Variants in MARCHF4 observed in about 807,000 individuals in gnomAD.
The protein encoded by MARCHF4 is E3 ubiquitin-protein ligase MARCHF4.
MARCHF4 carries 14 observed loss-of-function variants against 43.9 expected under a neutral mutation model. The ratio of observed to expected loss-of-function variants is 0.32; its 90% CI spans 0.21 to 0.50. The LOEUF (loss-of-function observed/expected upper bound fraction) is 0.50, where lower values mean the gene tolerates loss of function less well. Ranked by LOEUF, MARCHF4 falls within the 20% of genes least tolerant of loss-of-function variation. The pLI, the probability that MARCHF4 is intolerant of heterozygous loss-of-function variation, is 0.98. For missense variants in MARCHF4, 468 were observed against 536.7 expected (o/e 0.87, Z 1.27); for synonymous variants, 226 against 213.3 (o/e 1.06, Z -0.52).
intron 1 of MARCHF4, among the ~76,000 whole-genome samples, chr2:216,288,262 G>A (rs911049078): frequency 6.6e-6 from 1 of 152,222 alleles, no homozygotes; most frequent in Non-Finnish European, 1.5e-5. Context: ...ATTGTGCCTG[G>A]CCTGTAAGGG....
rs183064795 is a variant in MARCHF4, at chr2:216,365,688, G to C, written c.516+4057C>G. ...CTGTAGATAAAGTGGCAAATTCCCC[G>C]ACTTGTCTTTTTGAGTAGGCACCCC... On this transcript the variant is annotated intron_variant, in intron 1 of 3. Coordinates refer to ENST00000273067, the MANE Select transcript of MARCHF4 (RefSeq NM_020814.3). Among the ~76,000 whole-genome samples the C allele has an allele frequency of 2.6e-5, 4 of 152,266 alleles. No homozygotes were observed. The South Asian group carries it at 8.3e-4, about 32-fold the overall frequency.
chr2:216,295,712 TG>T (rs1362268596), intron 1 of MARCHF4, among the ~76,000 whole-genome samples: 1 of 152,192 alleles, frequency 6.6e-6, no homozygotes, highest in Non-Finnish European at 1.5e-5. Flanking sequence ...GCCTTGTAAA[TG>T]AAGTTCATCA....
chr2:216,342,889 G>A (rs1692257729), intron 1 of MARCHF4, among the ~76,000 whole-genome samples: 1 of 151,992 alleles, frequency 6.6e-6, no homozygotes. Context: ...GGGCTCTTGT[G>A]ATCACCTTCA....
At chr2:216,353,279 A>G (rs1692428400) in intron 1 of MARCHF4, among the ~76,000 whole-genome samples, 1 of 152,240 alleles carries the variant, frequency 6.6e-6, no homozygotes, top group Non-Finnish European at 1.5e-5. Context: ...CAAATTAACC[A>G]TAAACTCCCA....
chr2:216,324,327 CT>C (rs1691952734), intron 1 of MARCHF4, among the ~76,000 whole-genome samples: 1 of 145,830 alleles, frequency 6.9e-6, no homozygotes, highest in South Asian at 2.3e-4. Context: ...TAATCAATAG[CT>C]TACCAACCAA....
intron 3 of MARCHF4, among the ~76,000 whole-genome samples, chr2:216,268,915 C>T (rs1690889917): frequency 6.6e-6 from 1 of 152,154 alleles, no homozygotes; most frequent in African/African-American, 2.4e-5. Flanking sequence ...CCTGCTGCCC[C>T]CATCCTCTGC....
intron 3 of MARCHF4, 107 bp from the exon 4 acceptor site, chr2:216,259,786 A>G (rs950579768): frequency 2.7e-6 from 3 of 1,129,610 alleles, no homozygotes; most frequent in Non-Finnish European, 3.8e-6. Flanking sequence ...CAATGGCTCC[A>G]GTGCTGAGCC....
intron 1 of MARCHF4, among the ~76,000 whole-genome samples, chr2:216,298,594 T>C: frequency 6.6e-6 from 1 of 152,222 alleles, no homozygotes; most frequent in Non-Finnish European, 1.5e-5. Context: ...TATGTTTTCC[T>C]GCTACATTTG....
chr2:216,283,118 T>C (rs1275308266), intron 2 of MARCHF4, among the ~76,000 whole-genome samples: 1 of 152,170 alleles, frequency 6.6e-6, no homozygotes, highest in Non-Finnish European at 1.5e-5. Context: ...CATAGCTTGA[T>C]CTCAGTCCTT....
At chr2:216,283,486 G>A in intron 2 of MARCHF4, 88 bp downstream of exon 2, 1 of 1,456,718 alleles carries the variant, frequency 6.9e-7, no homozygotes, top group South Asian at 1.5e-5. Flanking sequence ...AAACTGCCCT[G>A]AATCTAAGGT....
intron 1 of MARCHF4, among the ~76,000 whole-genome samples, chr2:216,336,040 C>A (rs1301791896): frequency 2.1e-5 from 3 of 139,636 alleles, no homozygotes; most frequent in East Asian, 4.3e-4. Context: ...TGCACTCTAG[C>A]CTGAGTGACA....
At chr2:216,259,908 C>T (rs773863444) in intron 3 of MARCHF4, 6 of 546,150 alleles carry the variant, frequency 1.1e-5, no homozygotes, top group East Asian at 5.8e-5. Context: ...GCAGTGCCTT[C>T]GCCCACTTCT....
intron 1 of MARCHF4, among the ~76,000 whole-genome samples, chr2:216,290,761 G>T (rs1183142654): frequency 6.6e-6 from 1 of 152,122 alleles, no homozygotes; most frequent in East Asian, 1.9e-4. Context: ...CTGATGGATT[G>T]GATGTGGTAA....
chr2:216,370,318 C>G lies in MARCHF4; in HGVS notation c.-58G>C. 2.7e-6 allele frequency: 4 copies of G among 1,483,850 alleles called. No homozygotes were observed. Among genetic ancestry groups the G allele is most frequent in the Non-Finnish European group, 3.6e-6 (4 of 1,114,380 alleles). 91.9% of individuals were successfully genotyped at this position (1,483,850 alleles called of 1,614,324 possible). ...TGGCTGGAGTCTTAAAAGAGGGGGACAGGACAGGTTTTGGGGGTCCACAGT... is the reference window on the plus strand; with the variant it reads ...TGGCTGGAGTCTTAAAAGAGGGGGAGAGGACAGGTTTTGGGGGTCCACAGT... On this transcript the variant is annotated 5_prime_UTR_variant, in exon 1 of 4. Coordinates refer to ENST00000273067, the MANE Select transcript of MARCHF4 (RefSeq NM_020814.3).
chr2:216,306,258 A>G (rs892597309), intron 1 of MARCHF4, among the ~76,000 whole-genome samples: 1 of 152,204 alleles, frequency 6.6e-6, no homozygotes, highest in Non-Finnish European at 1.5e-5. Context: ...TAAAATATAG[A>G]ACAGTTAAAT....
chr2:216,265,126 G>A (rs1169174641), intron 3 of MARCHF4, among the ~76,000 whole-genome samples: 1 of 152,284 alleles, frequency 6.6e-6, no homozygotes, highest in East Asian at 1.9e-4. Context: ...GACTGGATTC[G>A]ATTGGGAAGA....
intron 1 of MARCHF4, among the ~76,000 whole-genome samples, chr2:216,325,494 G>C (rs1691973633): frequency 6.6e-6 from 1 of 152,064 alleles, no homozygotes; most frequent in African/African-American, 2.4e-5. Context: ...CCAAAAAAGA[G>C]CCCGCATTGC....
At chr2:216,283,975 T>C (rs535112976) in intron 1 of MARCHF4, among the ~76,000 whole-genome samples, 1 of 152,242 alleles carries the variant, frequency 6.6e-6, no homozygotes, top group East Asian at 1.9e-4. Context: ...AGCACAGTAC[T>C]ATTAATTACT....
chr2:216,342,421 C>T (rs1248710194), intron 1 of MARCHF4, among the ~76,000 whole-genome samples: 1 of 152,142 alleles, frequency 6.6e-6, no homozygotes, highest in Non-Finnish European at 1.5e-5. Context: ...GGAGAGAAGA[C>T]CCTCTTGGGT....
Sources: gnomAD v4.1 joint callset for allele counts (sites outside exome capture counted in the v4.1 genomes callset) on GRCh38, gnomAD v4.1.1 for gene constraint, MANE v1.5 for transcripts, NCBI Gene and HGNC (gene_info 2026-07-23, HGNC 2026-07-21) for gene names.